Variants in BAIAP2 observed in about 807,000 individuals in gnomAD.
BAIAP2 encodes the protein BAR/IMD domain-containing adapter protein 2.
Under a neutral mutation model 63.0 loss-of-function variants are expected in BAIAP2, and 18 were observed. The observed-to-expected ratio is 0.29, with a 90% CI of 0.20 to 0.42. The LOEUF (loss-of-function observed/expected upper bound fraction) is 0.42. BAIAP2 is among the 10% of genes least tolerant of loss of function. The probability of loss-of-function intolerance (pLI) is 1.00; values close to 1 mark genes in which losing one functional copy is unlikely to be tolerated. For missense variants in BAIAP2, 610 were observed against 734.3 expected, an observed-to-expected ratio of 0.83 and a Z score of 1.96; for synonymous variants, 386 against 307.6, an observed-to-expected ratio of 1.25 and a Z score of -2.67.
In BAIAP2 at chr17:81,035,172, C is replaced by T. The variant is rs535289043; in HGVS notation, c.-83C>T. The T allele has an allele frequency of 4.1e-5, 49 of 1,207,596 alleles. No individual in the cohort carries two copies. Among genetic ancestry groups the T allele is most frequent in the South Asian group, 4.9e-5 (3 of 61,720 alleles). 74.8% of individuals were successfully genotyped at this position (1,207,596 alleles called of 1,614,324 possible). ...CTCTGTGGTTCGGGTCCGCTTTCGT[C>T]TCCGTCCTGCTGCCGTTACCGCCGC... On this transcript the variant is annotated 5_prime_UTR_variant, in exon 1 of 14. Coordinates refer to ENST00000428708, the MANE Select transcript of BAIAP2 (RefSeq NM_001144888.2).
At chr17:81,055,225 C>T (rs139100663) in intron 2 of BAIAP2, among the ~76,000 whole-genome samples, 232 of 152,306 alleles carry the variant, frequency 1.5e-3, no homozygotes, top group African/African-American at 5.4e-3. Flanking sequence ...CCGTTGTCAC[C>T]TGGGGAGAAA....
At chr17:81,098,889 C>T (rs1205967425) in intron 6 of BAIAP2, among the ~76,000 whole-genome samples, 1 of 152,206 alleles carries the variant, frequency 6.6e-6, no homozygotes, top group Admixed American at 6.5e-5. Flanking sequence ...CCTGTCTTTC[C>T]TGTGCCCAAG....
At chr17:81,103,814 G>A (rs554601074) in intron 8 of BAIAP2, 91 bp downstream of exon 8, 1 of 1,586,812 alleles carries the variant, frequency 6.3e-7, no homozygotes, top group East Asian at 2.2e-5. Context: ...CAGAGTCCAG[G>A]GGCCCCTGCT....
intron 13 of BAIAP2, chr17:81,111,078 T>A: frequency 8.1e-7 from 1 of 1,238,732 alleles, no homozygotes; most frequent in Non-Finnish European, 1.2e-6. Flanking sequence ...GGGCCAGGGG[T>A]CCACTGAGCC....
At chr17:81,074,598 T>C (rs1267533079) in intron 3 of BAIAP2, among the ~76,000 whole-genome samples, 2 of 150,768 alleles carry the variant, frequency 1.3e-5, no homozygotes, top group Non-Finnish European at 3.0e-5. Flanking sequence ...TGCCTGTGTG[T>C]GCGTGCACGG....
chr17:81,114,667 C>G (rs368264475), intron 13 of BAIAP2, among the ~76,000 whole-genome samples: 131 of 152,352 alleles, frequency 8.6e-4, no homozygotes, highest in Non-Finnish European at 1.5e-3. Context: ...GTTTCAAGTT[C>G]TTAGAAAACA....
intron 3 of BAIAP2, among the ~76,000 whole-genome samples, chr17:81,065,935 G>T (rs982169844): frequency 6.6e-6 from 1 of 152,234 alleles, no homozygotes; most frequent in Non-Finnish European, 1.5e-5. Flanking sequence ...CTTCAGTGAG[G>T]GGGGCTGTCA....
At chr17:81,085,550 G>C (rs761769628) in intron 4 of BAIAP2, 104 bp from the exon 5 acceptor site, 3 of 949,248 alleles carry the variant, frequency 3.2e-6, no homozygotes, top group African/African-American at 3.2e-5. Context: ...TGCACAGCCG[G>C]GACACCCGGT....
chr17:81,047,878 GCACA>G (rs942173744), intron 1 of BAIAP2, among the ~76,000 whole-genome samples: 1 of 152,384 alleles, frequency 6.6e-6, no homozygotes, highest in African/African-American at 2.4e-5. Flanking sequence ...CATGGCCGCA[GCACA>G]CACACGGATA....
At chr17:81,042,660 G>A (rs959686942) in intron 1 of BAIAP2, among the ~76,000 whole-genome samples, 1 of 152,090 alleles carries the variant, frequency 6.6e-6, no homozygotes, top group East Asian at 1.9e-4. Flanking sequence ...ATGGTGGAAT[G>A]CGCTGGGGTA....
At chr17:81,111,424 G>GA in intron 13 of BAIAP2, among the ~76,000 whole-genome samples, 1 of 152,336 alleles carries the variant, frequency 6.6e-6, no homozygotes, top group South Asian at 2.1e-4. Context: ...GAACCCTGGG[G>GA]AGCTCCATAG....
At position 81,086,429 on chromosome 17, in the gene BAIAP2, T is replaced by G; in HGVS notation, c.352-14T>G. 1 of 1,612,978 alleles carries G rather than the reference T, an allele frequency of 6.2e-7. No individual in the cohort carries two copies. Among genetic ancestry groups the G allele is most frequent in the Non-Finnish European group, 8.5e-7 (1 of 1,179,244 alleles). On this transcript the variant is annotated splice_polypyrimidine_tract_variant and intron_variant, in intron 5 of 13. Transcript: ENST00000428708. ...CATGGGCCTTGGTTTTGTGTTTTAT[T>G]GTTTGAATCTCAGGCTGCGCTGAAG...
intron 1 of BAIAP2, among the ~76,000 whole-genome samples, chr17:81,048,972 G>A (rs2048251441): frequency 6.6e-6 from 1 of 152,190 alleles, no homozygotes; most frequent in African/African-American, 2.4e-5. Context: ...CCGCCTTCAT[G>A]GGCAGGACCC....
Position 81,053,654 on chromosome 17 carries a change from C to G in BAIAP2, c.55-14C>G. 5.0e-6 allele frequency: 8 copies of G among 1,614,054 alleles called. No individual in the cohort carries two copies. The highest frequency in any genetic ancestry group is 2.2e-5 in the South Asian group (2 of 91,084). On this transcript the variant is annotated splice_polypyrimidine_tract_variant and intron_variant, in intron 1 of 13. Coordinates refer to ENST00000428708, the MANE Select transcript of BAIAP2 (RefSeq NM_001144888.2). ...CTCTGCCAGTAATGCTGTTTCTTCT[C>G]TGCTTTCTTCCAGACCATCATGGAG...
In BAIAP2 at chr17:81,041,484, A is replaced by C. The variant is rs1310993752; in HGVS notation, c.54+6176A>C. On this transcript the variant is annotated intron_variant, in intron 1 of 13. Transcript: ENST00000428708. ...CAACAGGGTGCTTTTGCTCTTGCTT[A>C]GAGTTTTTATTTTATACTTACTGGA... Among the ~76,000 whole-genome samples, 3 of 152,216 alleles carry C rather than the reference A, an allele frequency of 2.0e-5. No individual in the cohort carries two copies. In the East Asian group the frequency reaches 5.8e-4, roughly 29 times the overall value.
chr17:81,062,984 A>T (rs1223468311), intron 3 of BAIAP2, among the ~76,000 whole-genome samples: 1 of 137,160 alleles, frequency 7.3e-6, no homozygotes, highest in Admixed American at 8.0e-5. Context: ...TTTCCTGCCG[A>T]TATCTTTCCT....
chr17:81,081,694 G>A (rs1022202683), intron 3 of BAIAP2, among the ~76,000 whole-genome samples: 2 of 152,168 alleles, frequency 1.3e-5, no homozygotes, highest in Admixed American at 6.5e-5. Flanking sequence ...CTCTCCTGCC[G>A]AGGCTGGTAA....
chr17:81,064,405 G>A (rs934962450), intron 3 of BAIAP2, among the ~76,000 whole-genome samples: 3 of 152,204 alleles, frequency 2.0e-5, no homozygotes, highest in Non-Finnish European at 4.4e-5. Context: ...GATGCTGCCC[G>A]CTCCCCCTTT....
At position 81,103,899 on chromosome 17, in the gene BAIAP2, C is replaced by G. The variant is rs757348479; in HGVS notation, c.865-8C>G. 1 of 1,612,796 alleles carries G rather than the reference C, an allele frequency of 6.2e-7. No homozygotes were observed. The highest frequency in any genetic ancestry group is 1.1e-5 in the South Asian group (1 of 91,076). On this transcript the variant is annotated splice_region_variant and splice_polypyrimidine_tract_variant and intron_variant, in intron 8 of 13. Coordinates refer to ENST00000428708, the MANE Select transcript of BAIAP2 (RefSeq NM_001144888.2). Reference sequence around the variant, plus strand: ...CAGCAACAGCCTGCTCTGCCTGCTTCCCTGCAGCGGATGTCTGCCCAGGAG... The same window carrying G: ...CAGCAACAGCCTGCTCTGCCTGCTTGCCTGCAGCGGATGTCTGCCCAGGAG...
Sources: allele counts gnomAD v4.1 joint callset (sites outside exome capture counted in the v4.1 genomes callset), GRCh38; gene constraint gnomAD v4.1.1; transcripts MANE v1.5; gene names NCBI Gene and HGNC (gene_info 2026-07-23, HGNC 2026-07-21).